Variants in ITPR1 observed in about 807,000 individuals in gnomAD.
ITPR1 encodes the protein inositol 1,4,5-trisphosphate-gated calcium channel ITPR1.
ITPR1 carries 96 observed loss-of-function variants against 318.4 expected under a neutral mutation model. The ratio of observed to expected loss-of-function variants is 0.30; its 90% CI spans 0.26 to 0.36. The LOEUF (loss-of-function observed/expected upper bound fraction) is 0.36, where lower values mean the gene tolerates loss of function less well. Ranked by LOEUF, ITPR1 falls within the 10% of genes least tolerant of loss-of-function variation. ITPR1 has a pLI of 1.00. For synonymous variants in ITPR1, 1,312 were observed against 1,289.9 expected (o/e 1.02, Z -0.37); for missense variants, 2,440 against 3,460.2 (o/e 0.71, Z 7.40).
At chr3:4,683,298 C>G in intron 26 of ITPR1, 88 bp from the exon 27 acceptor site, 3 of 1,309,696 alleles carry the variant, frequency 2.3e-6, no homozygotes, top group Non-Finnish European at 2.2e-6. Flanking sequence ...GCTAGAAATG[C>G]AACTAGGTTA....
In ITPR1 at chr3:4,621,839, G is replaced by A. The variant is rs566834723; in HGVS notation, c.164-5924G>A. Reference sequence around the variant, plus strand: ...GCTTGGCCCGAGTTTTATGAAGGCTGGCTCCTCCTTTCTCCTCCTGCAACT... The same window carrying A: ...GCTTGGCCCGAGTTTTATGAAGGCTAGCTCCTCCTTTCTCCTCCTGCAACT... On this transcript the variant is annotated intron_variant, in intron 4 of 61. Transcript: ENST00000649015. Among the ~76,000 whole-genome samples the A allele has an allele frequency of 6.6e-5, 10 of 152,292 alleles. No individual in the cohort carries two copies. In the East Asian group the frequency reaches 1.9e-3, roughly 29 times the overall value.
In ITPR1 at chr3:4,693,773, C is replaced by T. The variant is rs368803877; in HGVS notation, c.4281+32C>T. ...GAGCCCAGCCTGGCTGTGCCCTTCT[C>T]GTTGCTATGTGGTGTGTGCTGTCGT... On this transcript the variant is annotated intron_variant, in intron 33 of 61. Coordinates refer to ENST00000649015, the MANE Select transcript of ITPR1 (RefSeq NM_001378452.1). 4.3e-5 allele frequency: 68 copies of T among 1,591,992 alleles called. 1 individual carries two copies. In the East Asian group the frequency reaches 1.0e-3, roughly 24 times the overall value.
At chr3:4,564,857 G>A (rs1317632488) in intron 4 of ITPR1, among the ~76,000 whole-genome samples, 2 of 152,148 alleles carry the variant, frequency 1.3e-5, no homozygotes, top group African/African-American at 4.8e-5. Flanking sequence ...TTAAAAAAGG[G>A]GTTTTCCAGC....
intron 26 of ITPR1, among the ~76,000 whole-genome samples, chr3:4,682,094 C>T (rs146258038): frequency 3.6e-4 from 55 of 152,334 alleles, no homozygotes; most frequent in South Asian, 1.9e-3. Flanking sequence ...ATTCAAACCA[C>T]CACCATTTTA....
intron 5 of ITPR1, among the ~76,000 whole-genome samples, chr3:4,629,364 G>T (rs1343784035): frequency 6.6e-6 from 1 of 152,048 alleles, no homozygotes; most frequent in Non-Finnish European, 1.5e-5. Context: ...TCTCAGCAAG[G>T]TCTTCCCCTC....
intron 4 of ITPR1, among the ~76,000 whole-genome samples, chr3:4,564,015 C>T (rs1030257502): frequency 1.9e-4 from 29 of 151,844 alleles, no homozygotes; most frequent in African/African-American, 5.6e-4. Flanking sequence ...GATCTTGGCT[C>T]ACTGCAACCT....
chr3:4,635,499 C>A (rs925147790), intron 5 of ITPR1, among the ~76,000 whole-genome samples: 1 of 151,874 alleles, frequency 6.6e-6, no homozygotes, highest in African/African-American at 2.4e-5. Flanking sequence ...CGCCACCACG[C>A]CCGGCTAATT....
intron 60 of ITPR1, among the ~76,000 whole-genome samples, chr3:4,825,184 C>T (rs1384551379): frequency 6.6e-6 from 1 of 152,242 alleles, no homozygotes; most frequent in Non-Finnish European, 1.5e-5. Context: ...CTCTTTGCCT[C>T]TCCTGCTCCC....
chr3:4,587,870 T>G (rs1462853683), intron 4 of ITPR1, among the ~76,000 whole-genome samples: 1 of 152,210 alleles, frequency 6.6e-6, no homozygotes, highest in African/African-American at 2.4e-5. Flanking sequence ...TGGAGTCTTC[T>G]TAAAGACAGC....
intron 4 of ITPR1, among the ~76,000 whole-genome samples, chr3:4,584,223 A>G (rs2089646007): frequency 1.3e-5 from 2 of 152,144 alleles, no homozygotes; most frequent in African/African-American, 4.8e-5. Context: ...GTATGAAGTC[A>G]TGTTCTCAGC....
rs1472769206 is a variant in ITPR1 at position 4,674,200 on chromosome 3, A to G, written c.2457-2A>G. 2 of 1,537,578 alleles carry G rather than the reference A, an allele frequency of 1.3e-6. No homozygotes were observed. The highest frequency in any genetic ancestry group is 1.7e-6 in the Non-Finnish European group (2 of 1,143,570). ...TTTCCTTTCTTTCTCCTTTCTTTTC[A>G]GCTATGATAGTAGTGGAGCTTCCAA... On this transcript the variant is annotated splice_acceptor_variant, in intron 21 of 61. Coordinates refer to ENST00000649015, the MANE Select transcript of ITPR1 (RefSeq NM_001378452.1). LOFTEE classifies it high-confidence loss of function.
At chr3:4,778,355 G>A (rs1314301419) in intron 48 of ITPR1, among the ~76,000 whole-genome samples, 3 of 152,158 alleles carry the variant, frequency 2.0e-5, no homozygotes, top group Non-Finnish European at 2.9e-5. Flanking sequence ...CCGCAGCAGC[G>A]AGCACTTCAT....
intron 43 of ITPR1, among the ~76,000 whole-genome samples, chr3:4,734,919 C>G (rs1233485938): frequency 1.3e-5 from 2 of 152,160 alleles, no homozygotes; most frequent in Non-Finnish European, 2.9e-5. Context: ...ATGTATCATT[C>G]TTTTTTCATC....
In ITPR1 at chr3:4,706,831, A is replaced by G. The variant is rs1334583631; in HGVS notation, c.4842+480A>G. On this transcript the variant is annotated intron_variant, in intron 37 of 61. Coordinates refer to ENST00000649015, the MANE Select transcript of ITPR1 (RefSeq NM_001378452.1). ...ACCTTTTTTCGTAGAATCTACCAAGACATCTGCTCTCCTTTTGTTAAAGGG... is the reference window on the plus strand; with the variant it reads ...ACCTTTTTTCGTAGAATCTACCAAGGCATCTGCTCTCCTTTTGTTAAAGGG... 2.6e-5 allele frequency among the ~76,000 whole-genome samples: 4 copies of G among 152,232 alleles called. No individual in the cohort carries two copies. The East Asian group carries it at 7.7e-4, about 29-fold the overall frequency.
chr3:4,706,010 G>A (rs2094749219), intron 36 of ITPR1, among the ~76,000 whole-genome samples, 157 bp from the exon 37 acceptor site: 1 of 152,222 alleles, frequency 6.6e-6, no homozygotes, highest in African/African-American at 2.4e-5. Flanking sequence ...AGATGGTAAA[G>A]TTGACTTGAG....
intron 4 of ITPR1, among the ~76,000 whole-genome samples, chr3:4,587,004 A>T (rs982855277): frequency 6.6e-6 from 1 of 152,226 alleles, no homozygotes; most frequent in East Asian, 1.9e-4. Context: ...ATCACCCGGG[A>T]GATTCAAAAA....
chr3:4,837,156 G>A (rs1471545758), intron 61 of ITPR1, among the ~76,000 whole-genome samples: 3 of 151,970 alleles, frequency 2.0e-5, no homozygotes, highest in Non-Finnish European at 2.9e-5. Context: ...TTTCAGTGCT[G>A]CTCAGGACAT....
chr3:4,595,378 A>C (rs1341882892), intron 4 of ITPR1, among the ~76,000 whole-genome samples: 1 of 152,168 alleles, frequency 6.6e-6, no homozygotes, highest in East Asian at 1.9e-4. Context: ...TTAAACAGCC[A>C]GATCTCGTGA....
intron 4 of ITPR1, among the ~76,000 whole-genome samples, chr3:4,626,670 C>A (rs774508175): frequency 6.6e-6 from 1 of 152,122 alleles, no homozygotes; most frequent in Admixed American, 6.6e-5. Context: ...TAAATGGAAG[C>A]ACATCGCAGT....
Sources: gnomAD v4.1 joint callset for allele counts (sites outside exome capture counted in the v4.1 genomes callset) on GRCh38, gnomAD v4.1.1 for gene constraint, MANE v1.5 for transcripts, NCBI Gene and HGNC (gene_info 2026-07-23, HGNC 2026-07-21) for gene names.